The following CEP350 variants were observed in gnomAD, a reference collection of about 807,000 sequenced individuals.
CEP350 encodes centrosome-associated protein 350.
In CEP350, 126 loss-of-function variants were observed where a neutral mutation model predicts 331.8. The ratio of observed to expected loss-of-function variants is 0.38; its 90% CI spans 0.33 to 0.44. CEP350 has a LOEUF of 0.44. CEP350 is among the 20% of genes least tolerant of loss of function. The pLI is 1.00. For synonymous variants in CEP350, 1,200 were observed against 1,259.5 expected (o/e 0.95, Z 1.00); for missense variants, 3,406 against 3,634.6 (o/e 0.94, Z 1.62).
chr1:180,103,105 A>G (rs1231023974), intron 37 of CEP350, among the ~76,000 whole-genome samples: 5 of 152,240 alleles, frequency 3.3e-5, no homozygotes, highest in African/African-American at 1.2e-4. Flanking sequence ...CATAGGGCCC[A>G]CAGATTGGTT....
intron 25 of CEP350, among the ~76,000 whole-genome samples, chr1:180,056,242 C>G (rs1343976459): frequency 6.6e-6 from 1 of 152,010 alleles, no homozygotes; most frequent in African/African-American, 2.4e-5. Context: ...TTACTGCTTT[C>G]CATTGTTTAT....
At chr1:179,976,115 C>T (rs1651844542) in intron 1 of CEP350, among the ~76,000 whole-genome samples, 1 of 152,122 alleles carries the variant, frequency 6.6e-6, no homozygotes, top group Non-Finnish European at 1.5e-5. Context: ...TGCCTGTTGA[C>T]TGGAAAATTG....
At chr1:179,983,287 T>A (rs1652419781) in intron 1 of CEP350, among the ~76,000 whole-genome samples, 1 of 152,112 alleles carries the variant, frequency 6.6e-6, no homozygotes, top group South Asian at 2.1e-4. Context: ...CAGGCTGGAG[T>A]GCAGTGGTGC....
chr1:180,101,238 C>G (rs1660787395), intron 37 of CEP350, among the ~76,000 whole-genome samples: 1 of 151,952 alleles, frequency 6.6e-6, no homozygotes, highest in African/African-American at 2.4e-5. Context: ...TAGCTTCCTA[C>G]AGAGAGACCT....
In CEP350 at chr1:179,997,195, A is replaced by G; in HGVS notation, c.1018+20A>G. ...ATAAAGGTTTGTAATCAGTCTTTATATCTTCCTCTCCCTGCTTCTTTGTTC... is the reference window on the plus strand; with the variant it reads ...ATAAAGGTTTGTAATCAGTCTTTATGTCTTCCTCTCCCTGCTTCTTTGTTC... On this transcript the variant is annotated intron_variant, in intron 6 of 37. Transcript: ENST00000367607. The G allele has an allele frequency of 2.5e-6, 4 of 1,591,928 alleles. No homozygotes were observed. The highest frequency in any genetic ancestry group is 3.4e-6 in the Non-Finnish European group (4 of 1,169,850).
intron 16 of CEP350, among the ~76,000 whole-genome samples, chr1:180,034,561 T>C (rs538640152): frequency 1.9e-4 from 29 of 151,898 alleles, no homozygotes; most frequent in Non-Finnish European, 3.5e-4. Context: ...GCTCACTTCA[T>C]GTCCCTGTGT....
Position 180,095,767 on chromosome 1 carries a change from C to G in CEP350, c.8756C>G (p.Thr2919Ser), listed in dbSNP as rs760441567. 3 of 1,613,980 alleles carry G rather than the reference C, an allele frequency of 1.9e-6. No individual in the cohort carries two copies. In the East Asian group the frequency reaches 6.7e-5, roughly 36 times the overall value. The change falls in exon 35 of 38, where the codon ACT (threonine) becomes AGT (serine). Residue 2919 changes from threonine to serine, a missense_variant. Transcript: ENST00000367607. ...PCETLLAVPH[T>S]AEEVEILVHN... Reference sequence around the variant, plus strand: ...GAAACATTATTGGCAGTCCCCCATACTGCAGAAGAAGTAGAGATTCTTGTA... The same window carrying G: ...GAAACATTATTGGCAGTCCCCCATAGTGCAGAAGAAGTAGAGATTCTTGTA...
In CEP350 at chr1:180,028,152, A is replaced by C. The variant is rs565707053; in HGVS notation, c.3551-3168A>C. Among the ~76,000 whole-genome samples the C allele has an allele frequency of 2.6e-5, 4 of 152,314 alleles. No homozygotes were observed. In the South Asian group the frequency reaches 8.3e-4, roughly 32 times the overall value. ...CTCCATGGTTCCAGAAATTTGGGAA[A>C]TTCTTTTAGAGTGAAACAAGATTCT... On this transcript the variant is annotated intron_variant, in intron 14 of 37. Coordinates refer to ENST00000367607, the MANE Select transcript of CEP350 (RefSeq NM_014810.5).
intron 25 of CEP350, among the ~76,000 whole-genome samples, chr1:180,061,689 G>T (rs537103612): frequency 1.3e-5 from 2 of 152,070 alleles, no homozygotes; most frequent in Admixed American, 1.3e-4. Flanking sequence ...TTTTTTGAAA[G>T]CAATTTTAAA....
chr1:180,037,692 C>T (rs1377487651), intron 17 of CEP350, among the ~76,000 whole-genome samples: 1 of 152,108 alleles, frequency 6.6e-6, no homozygotes, highest in African/African-American at 2.4e-5. Flanking sequence ...CACCGTTGCC[C>T]AGGCTGGAGT....
At position 180,008,490 on chromosome 1, in the gene CEP350, A is replaced by G. The variant is rs548899831; in HGVS notation, c.1246+1923A>G. Among the ~76,000 whole-genome samples, 12 of 152,318 alleles carry G rather than the reference A, an allele frequency of 7.9e-5. No homozygotes were observed. The East Asian group carries it at 1.7e-3, about 22-fold the overall frequency. ...ATAATAGTAATTATTATTTCTGGCTATATTGAAAATGGCTATTTAGAATGT... is the reference window on the plus strand; with the variant it reads ...ATAATAGTAATTATTATTTCTGGCTGTATTGAAAATGGCTATTTAGAATGT... On this transcript the variant is annotated intron_variant, in intron 8 of 37. Transcript: ENST00000367607.
chr1:180,076,421 T>C (rs1659229836), intron 28 of CEP350, among the ~76,000 whole-genome samples: 1 of 152,212 alleles, frequency 6.6e-6, no homozygotes, highest in Non-Finnish European at 1.5e-5. Flanking sequence ...AAAAAGTTGA[T>C]AATGTGGTGA....
intron 14 of CEP350, among the ~76,000 whole-genome samples, chr1:180,025,016 C>G (rs374061884): frequency 6.6e-6 from 1 of 151,786 alleles, no homozygotes; most frequent in Non-Finnish European, 1.5e-5. Context: ...GCTCCGCCTC[C>G]CAGGTTCATG....
At chr1:180,085,334 A>G (rs1659803042) in intron 31 of CEP350, among the ~76,000 whole-genome samples, 1 of 152,070 alleles carries the variant, frequency 6.6e-6, no homozygotes, top group Non-Finnish European at 1.5e-5. Context: ...TTTCCTGTCC[A>G]ATTCAGTCAC....
chr1:180,037,255 A>G (rs531141064), intron 17 of CEP350, among the ~76,000 whole-genome samples, 166 bp downstream of exon 17: 1 of 152,160 alleles, frequency 6.6e-6, no homozygotes, highest in Non-Finnish European at 1.5e-5. Context: ...CACTAAAAAG[A>G]TACAGTGTTT....
At chr1:179,997,550 A>T (rs1257472530) in intron 6 of CEP350, among the ~76,000 whole-genome samples, 2 of 151,938 alleles carry the variant, frequency 1.3e-5, no homozygotes, top group Non-Finnish European at 2.9e-5. Flanking sequence ...TCTCAAAAAA[A>T]AAAAAAAAAA....
chr1:180,091,910 G>T (rs552677659), intron 33 of CEP350, among the ~76,000 whole-genome samples: 8 of 152,138 alleles, frequency 5.3e-5, no homozygotes, highest in African/African-American at 1.9e-4. Context: ...GATTTGGCCA[G>T]GCACAGTGGC....
intron 11 of CEP350, among the ~76,000 whole-genome samples, chr1:180,018,446 C>A (rs578087038): frequency 6.6e-6 from 1 of 152,244 alleles, no homozygotes; most frequent in African/African-American, 2.4e-5. Flanking sequence ...TCATCAATAT[C>A]TTTTATATTA....
At chr1:180,086,490 C>G (rs1256322669) in intron 31 of CEP350, among the ~76,000 whole-genome samples, 2 of 151,486 alleles carry the variant, frequency 1.3e-5, no homozygotes, top group African/African-American at 4.9e-5. Context: ...TAAACAAAGA[C>G]AAAAGAAAAT....
Sources: gnomAD v4.1 joint callset for allele counts (sites outside exome capture counted in the v4.1 genomes callset) on GRCh38, gnomAD v4.1.1 for gene constraint, MANE v1.5 for transcripts, NCBI Gene and HGNC (gene_info 2026-07-23, HGNC 2026-07-21) for gene names.